TSLP: variants seen among roughly 807,000 people sequenced by gnomAD.
TSLP encodes thymic stroma-derived lymphopoietin.
In TSLP, 12 loss-of-function variants were observed where a neutral mutation model predicts 12.4. That is an observed-to-expected ratio of 0.97 (90% CI 0.62 to 1.57). The LOEUF is 1.57. Among genes scored for constraint, TSLP ranks in the 40% most tolerant of loss-of-function variants. The pLI is 0.00. For synonymous variants in TSLP, 97 were observed against 69.5 expected (o/e 1.40, Z -1.97); for missense variants, 222 against 189.6 (o/e 1.17, Z -1.00).
chr5:111,075,066 T>C (rs1024441178), intron 3 of TSLP, among the ~76,000 whole-genome samples: 1 of 152,182 alleles, frequency 6.6e-6, no homozygotes, highest in African/African-American at 2.4e-5. Flanking sequence ...AATCTGCAGA[T>C]GGCTACAATA....
Position 111,076,077 on chromosome 5 carries a change from C to A in TSLP, c.*3C>A. On this transcript the variant is annotated 3_prime_UTR_variant, in exon 4 of 4. Transcript: ENST00000344895. ...GACCTTTACTGAAACAACAGTAAAC[C>A]ATCTTTATTATGGTCATATTTCACA... is the stretch of plus-strand genomic sequence containing the variant. 6.2e-7 allele frequency: 1 copy of A among 1,613,546 alleles called. No individual in the cohort carries two copies. The highest frequency in any genetic ancestry group is 8.5e-7 in the Non-Finnish European group (1 of 1,179,796).
chr5:111,071,676 T>G (rs1396853668), upstream of TSLP: 9 of 1,315,054 alleles, frequency 6.8e-6, no homozygotes, highest in East Asian at 2.3e-4. Flanking sequence ...CCGTAGGCGT[T>G]TAGGTGTTAT....
chr5:111,073,803 G>T (rs1474878579), intron 3 of TSLP, among the ~76,000 whole-genome samples, 158 bp downstream of exon 3: 1 of 152,186 alleles, frequency 6.6e-6, no homozygotes, highest in East Asian at 1.9e-4. Flanking sequence ...TTAGACCCAC[G>T]TTGATACCCG....
chr5:111,072,577 CACAGT>C (rs560518251), intron 1 of TSLP, among the ~76,000 whole-genome samples: 66 of 152,116 alleles, frequency 4.3e-4, no homozygotes, highest in African/African-American at 1.4e-3. Context: ...CATGAATGGC[CACAGT>C]ACAGATGCGG....
intron 1 of TSLP, 127 bp from the exon 2 acceptor site, chr5:111,072,761 A>T: frequency 1.1e-6 from 1 of 920,324 alleles, no homozygotes; most frequent in Admixed American, 1.9e-5. Flanking sequence ...ATGACATAGG[A>T]AAAAGGTACC....
chr5:111,075,757 G>T (rs1752486817), intron 3 of TSLP, among the ~76,000 whole-genome samples, 189 bp from the exon 4 acceptor site: 1 of 152,310 alleles, frequency 6.6e-6, no homozygotes, highest in Non-Finnish European at 1.5e-5. Context: ...TGGCCTTGAA[G>T]CAAAAGTAGG....
At chr5:111,072,313 A>T (rs1248506788) in intron 1 of TSLP, among the ~76,000 whole-genome samples, 1 of 152,156 alleles carries the variant, frequency 6.6e-6, no homozygotes, top group Admixed American at 6.6e-5. Flanking sequence ...GCGTCAAAGG[A>T]TGTCTATCCT....
chr5:111,075,484 C>T (rs532704183), intron 3 of TSLP, among the ~76,000 whole-genome samples: 184 of 152,296 alleles, frequency 1.2e-3, no homozygotes, highest in African/African-American at 4.3e-3. Context: ...TAAGATAGCT[C>T]TTGCCCATGA....
chr5:111,072,787 T>C, intron 1 of TSLP, 101 bp from the exon 2 acceptor site: 2 of 1,234,632 alleles, frequency 1.6e-6, no homozygotes, highest in South Asian at 2.4e-5. Context: ...GGAAACTGTT[T>C]TCAGGGCACC....
chr5:111,072,342 G>A (rs1305678700), intron 1 of TSLP, among the ~76,000 whole-genome samples: 2 of 152,260 alleles, frequency 1.3e-5, no homozygotes, highest in South Asian at 4.1e-4. Context: ...GTGTTACTCT[G>A]ACTATGCTGT....
chr5:111,073,420 T>A, intron 2 of TSLP, 91 bp from the exon 3 acceptor site: 1 of 1,583,348 alleles, frequency 6.3e-7, no homozygotes, highest in Admixed American at 1.7e-5. Context: ...CTCCCTGACC[T>A]TCCTCCCCTC....
chr5:111,072,151 A>C, intron 1 of TSLP, 90 bp downstream of exon 1: 1 of 1,148,806 alleles, frequency 8.7e-7, no homozygotes, highest in Non-Finnish European at 1.2e-6. Context: ...TAGGAAAGAA[A>C]AATAATTTAG....
chr5:111,076,321 G>A lies in TSLP; in HGVS notation c.*247G>A. The stretch of plus-strand genomic sequence containing the variant: ...ACTGGCTTCATGGCAGTAATTCTCG[G>A]CTGTAGTTGCATAAGCATTGCTCAA... On this transcript the variant is annotated 3_prime_UTR_variant, in exon 4 of 4. Transcript: ENST00000344895. 2.2e-6 allele frequency: 1 copy of A among 449,878 alleles called. No individual in the cohort carries two copies. The highest frequency in any genetic ancestry group is 3.9e-6 in the Non-Finnish European group (1 of 254,940). 27.9% of individuals were successfully genotyped at this position (449,878 alleles called of 1,614,324 possible).
rs1471209183 is a variant in TSLP at position 111,076,146 on chromosome 5, TCTAA to T, written c.*75_*78del. 31 of 1,523,038 alleles carry T rather than the reference TCTAA, an allele frequency of 2.0e-5. No homozygotes were observed. Among genetic ancestry groups the T allele is most frequent in the East Asian group, 2.3e-5 (1 of 44,360 alleles). The allele number at this position is 1,523,038 out of a possible 1,614,324, so 94.3% of individuals were successfully genotyped here. ...TTTATTAAGTAGATGAAACATTAAC[TCTAA>T]CTGTGACAAAGAAGACCACAAATAG... is the stretch of plus-strand genomic sequence containing the variant. On this transcript the variant is annotated 3_prime_UTR_variant, in exon 4 of 4. Coordinates refer to ENST00000344895, the MANE Select transcript of TSLP (RefSeq NM_033035.5).
intron 3 of TSLP, 75 bp from the exon 4 acceptor site, chr5:111,075,871 G>T: frequency 6.8e-7 from 1 of 1,466,056 alleles, no homozygotes; most frequent in Non-Finnish European, 9.4e-7. Context: ...CATAGAGAAG[G>T]CAATTAAACC....
At chr5:111,072,401 C>T (rs985720169) in intron 1 of TSLP, among the ~76,000 whole-genome samples, 1 of 152,130 alleles carries the variant, frequency 6.6e-6, no homozygotes, top group Non-Finnish European at 1.5e-5. Flanking sequence ...AGAGATAATT[C>T]TCATGAGATA....
upstream of TSLP, chr5:111,070,432 G>C (rs371413342): frequency 1.3e-5 from 2 of 152,908 alleles, no homozygotes; most frequent in Non-Finnish European, 2.9e-5. Flanking sequence ...TGAGGGGTGC[G>C]ATGGACGGGG....
intron 2 of TSLP, 170 bp from the exon 3 acceptor site, chr5:111,073,341 G>C (rs1752395709): frequency 1.4e-6 from 2 of 1,458,034 alleles, no homozygotes; most frequent in Non-Finnish European, 1.8e-6. Context: ...GCTCCCCCGC[G>C]GTTGGTTCTT....
rs1162186685 is a variant in TSLP, at chr5:111,078,019, A to G, written c.*1945A>G. 1 of 152,608 alleles carries G rather than the reference A, an allele frequency of 6.6e-6. No homozygotes were observed. The highest frequency in any genetic ancestry group is 1.5e-5 in the Non-Finnish European group (1 of 68,036). The allele number at this position is 152,608 out of a possible 1,614,324, so 9.5% of individuals were successfully genotyped here. The stretch of plus-strand genomic sequence containing the variant: ...CATGGTCAATAAAAAGGAAGTTGCA[A>G]ATTGTGATTTAAGCATATAAAGTTG... On this transcript the variant is annotated 3_prime_UTR_variant, in exon 4 of 4. Coordinates refer to ENST00000344895, the MANE Select transcript of TSLP (RefSeq NM_033035.5).
Sources: allele counts gnomAD v4.1 joint callset (sites outside exome capture counted in the v4.1 genomes callset), GRCh38; gene constraint gnomAD v4.1.1; transcripts MANE v1.5; gene names NCBI Gene and HGNC (gene_info 2026-07-23, HGNC 2026-07-21).